Variants in CELF4 observed in about 807,000 individuals in gnomAD.
CELF4 encodes CUG-BP- and ETR-3-like factor 4.
CELF4 carries 18 observed loss-of-function variants against 59.9 expected under a neutral mutation model. The ratio of observed to expected loss-of-function variants is 0.30; its 90% CI spans 0.21 to 0.45. The LOEUF (loss-of-function observed/expected upper bound fraction) is 0.45. Ranked by LOEUF, CELF4 falls within the 20% of genes least tolerant of loss-of-function variation. The pLI is 1.00. For missense variants in CELF4, 456 were observed against 689.0 expected (o/e 0.66, Z 3.79); for synonymous variants, 261 against 267.1 (o/e 0.98, Z 0.22).
intron 1 of CELF4, among the ~76,000 whole-genome samples, chr18:37,544,508 A>T (rs2099979999): frequency 1.3e-5 from 2 of 152,200 alleles, no homozygotes; most frequent in African/African-American, 4.8e-5. Flanking sequence ...AGCTGGGCAC[A>T]GAATAGCTTC....
intron 2 of CELF4, among the ~76,000 whole-genome samples, chr18:37,374,380 C>T (rs1053713524): frequency 6.6e-6 from 1 of 152,170 alleles, no homozygotes; most frequent in Non-Finnish European, 1.5e-5. Flanking sequence ...ACTCTGACAT[C>T]CGGCTCCGAA....
chr18:37,346,188 C>T (rs527570334), intron 2 of CELF4, among the ~76,000 whole-genome samples: 1 of 152,318 alleles, frequency 6.6e-6, no homozygotes, highest in South Asian at 2.1e-4. Context: ...GCCCCCACCT[C>T]CTCCAACTGG....
At chr18:37,271,430 T>C (rs895986076) in intron 7 of CELF4, among the ~76,000 whole-genome samples, 4 of 152,032 alleles carry the variant, frequency 2.6e-5, no homozygotes, top group African/African-American at 7.2e-5. Flanking sequence ...AATTTTTGTA[T>C]TTTTTAGTAG....
At chr18:37,271,349 G>A (rs1315389259) in intron 7 of CELF4, among the ~76,000 whole-genome samples, 1 of 149,918 alleles carries the variant, frequency 6.7e-6, no homozygotes, top group African/African-American at 2.5e-5. Flanking sequence ...CCACCTCCTG[G>A]GTTCAAACAA....
intron 1 of CELF4, among the ~76,000 whole-genome samples, chr18:37,514,680 C>T (rs549658734): frequency 2.5e-4 from 38 of 152,052 alleles, no homozygotes; most frequent in African/African-American, 5.5e-4. Flanking sequence ...AAAAACCTTC[C>T]GGTGATAATA....
chr18:37,410,440 C>G (rs914688275), intron 2 of CELF4, among the ~76,000 whole-genome samples: 3 of 152,240 alleles, frequency 2.0e-5, no homozygotes, highest in Non-Finnish European at 1.5e-5. Flanking sequence ...CGCTGTCCCC[C>G]GGCCCACCCA....
At chr18:37,278,019 C>A (rs1450635746) in intron 3 of CELF4, among the ~76,000 whole-genome samples, 2 of 152,232 alleles carry the variant, frequency 1.3e-5, no homozygotes, top group Admixed American at 1.3e-4. Flanking sequence ...GCTATGACAG[C>A]TTTCTGATTG....
intron 2 of CELF4, among the ~76,000 whole-genome samples, chr18:37,338,869 GC>G (rs1468775450): frequency 6.6e-6 from 1 of 151,852 alleles, no homozygotes; most frequent in Non-Finnish European, 1.5e-5. Flanking sequence ...CCAGCGCTGT[GC>G]CCCAGGGCCA....
intron 2 of CELF4, among the ~76,000 whole-genome samples, chr18:37,383,970 G>A (rs2099070859): frequency 6.6e-6 from 1 of 152,148 alleles, no homozygotes; most frequent in Non-Finnish European, 1.5e-5. Flanking sequence ...GTGCGTGGAG[G>A]CTGGTTCTTC....
chr18:37,256,120 T>A lies in CELF4; in HGVS notation c.1334-2182A>T, dbSNP rs548671896. The stretch of plus-strand genomic sequence containing the variant: ...GGGCACTGTCTCCCAAGTTCATGGT[T>A]CCAGGACCGTCTTCCTTCTTCCAGA... On this transcript the variant is annotated intron_variant, in intron 11 of 12. Coordinates refer to ENST00000420428, the MANE Select transcript of CELF4 (RefSeq NM_020180.4). 1.7e-4 allele frequency among the ~76,000 whole-genome samples: 26 copies of A among 152,306 alleles called. No homozygotes were observed. The South Asian group carries it at 5.4e-3, about 32-fold the overall frequency.
At chr18:37,526,112 C>CCT (rs753184832) in intron 1 of CELF4, among the ~76,000 whole-genome samples, 21 of 152,282 alleles carry the variant, frequency 1.4e-4, no homozygotes, top group Non-Finnish European at 2.4e-4. Flanking sequence ...TATCTTTTTA[C>CCT]CTCTGGAGGA....
At position 37,494,254 on chromosome 18, in the gene CELF4, G is replaced by A. The variant is rs370388070; in HGVS notation, c.287-8647C>T. On this transcript the variant is annotated intron_variant, in intron 1 of 12. Transcript: ENST00000420428. ...GGCTGCTCCATCTTTATAGCACTGT[G>A]AAAAAAGACAAAGTGGACGTGACAT... 2.4e-4 allele frequency among the ~76,000 whole-genome samples: 37 copies of A among 152,284 alleles called. No homozygotes were observed. In the East Asian group the frequency reaches 3.7e-3, roughly 15 times the overall value.
intron 1 of CELF4, among the ~76,000 whole-genome samples, chr18:37,537,992 G>C (rs1379411246): frequency 6.6e-6 from 1 of 152,250 alleles, no homozygotes; most frequent in South Asian, 2.1e-4. Flanking sequence ...GAGAGTCCCA[G>C]GCGCTGAATC....
At position 37,534,717 on chromosome 18, in the gene CELF4, A is replaced by G. The variant is rs116813966; in HGVS notation, c.286+30639T>C. On this transcript the variant is annotated intron_variant, in intron 1 of 12. Transcript: ENST00000420428. ...CAAGATCATTTAAAGGATGCAAAAT[A>G]CATCCCCAGGGCCAGAGGGGAAGAG... 3.5e-3 allele frequency among the ~76,000 whole-genome samples: 532 copies of G among 152,338 alleles called. 2 individuals carry two copies. Among genetic ancestry groups the G allele is most frequent in the African/African-American group, 0.012 (500 of 41,576 alleles).
intron 10 of CELF4, 135 bp from the exon 11 acceptor site, chr18:37,259,399 C>T (rs536634002): frequency 1.6e-6 from 1 of 609,366 alleles, no homozygotes; most frequent in Non-Finnish European, 2.9e-6. Context: ...GAGTCTCATT[C>T]CAGATCCAAG....
At chr18:37,367,809 G>A (rs983665609) in intron 2 of CELF4, among the ~76,000 whole-genome samples, 8 of 151,954 alleles carry the variant, frequency 5.3e-5, no homozygotes, top group South Asian at 2.1e-4. Flanking sequence ...GCTCCGTGGC[G>A]CCGGTGAAGT....
chr18:37,396,224 G>C (rs1173830004), intron 2 of CELF4, among the ~76,000 whole-genome samples: 3 of 152,196 alleles, frequency 2.0e-5, no homozygotes, highest in Non-Finnish European at 4.4e-5. Context: ...ATGTGAGGTT[G>C]CAAGTACCTC....
At chr18:37,391,409 G>A (rs1483657475) in intron 2 of CELF4, among the ~76,000 whole-genome samples, 1 of 152,224 alleles carries the variant, frequency 6.6e-6, no homozygotes, top group Non-Finnish European at 1.5e-5. Context: ...CTGCAGCAGT[G>A]GCAGCCTGCT....
At chr18:37,385,145 G>T (rs1240805229) in intron 2 of CELF4, among the ~76,000 whole-genome samples, 1 of 151,936 alleles carries the variant, frequency 6.6e-6, no homozygotes, top group Non-Finnish European at 1.5e-5. Context: ...TCAGGAGTTC[G>T]AGACCAGCCT....
Sources: gnomAD v4.1 joint callset for allele counts (sites outside exome capture counted in the v4.1 genomes callset) on GRCh38, gnomAD v4.1.1 for gene constraint, MANE v1.5 for transcripts, NCBI Gene and HGNC (gene_info 2026-07-23, HGNC 2026-07-21) for gene names.